AIFM1: variants seen among roughly 807,000 people sequenced by gnomAD.
AIFM1 encodes the protein apoptosis-inducing factor 1, mitochondrial.
In AIFM1, 3 loss-of-function variants were observed where a neutral mutation model predicts 51.7. The observed-to-expected ratio is 0.06, with a 90% confidence interval of 0.03 to 0.15. The LOEUF is 0.15. Ranked by LOEUF, AIFM1 falls within the 10% of genes least tolerant of loss-of-function variation. AIFM1 has a pLI of 1.00. For missense variants in AIFM1, 330 were observed against 476.8 expected (o/e 0.69, Z 2.87); for synonymous variants, 178 against 179.4 (o/e 0.99, Z 0.06).
intron 5 of AIFM1, among the ~76,000 whole-genome samples, chrX:130,146,870 A>C (rs1311032170): frequency 8.9e-6 from 1 of 112,282 alleles, no homozygotes; most frequent in African/African-American, 3.2e-5. Flanking sequence ...GGCAAGTATA[A>C]AGAAGTGATG....
chrX:130,155,089 A>G, intron 2 of AIFM1: 1 of 1,152,842 alleles, frequency 8.7e-7, no homozygotes, highest in South Asian at 1.8e-5. Flanking sequence ...CTAATGTATC[A>G]AGTTTTCATT....
At chrX:130,142,359 C>T (rs1367743680) in intron 6 of AIFM1, among the ~76,000 whole-genome samples, 1 of 111,125 alleles carries the variant, frequency 9.0e-6, no homozygotes, top group Non-Finnish European at 1.9e-5. Flanking sequence ...AATCCAATCC[C>T]GCTACTCAAC....
intron 12 of AIFM1, 34 bp from the exon 13 acceptor site, chrX:130,133,489 T>TA (rs377335587): frequency 0.033 from 27,816 of 833,448 alleles, 2 homozygotes; most frequent in Admixed American, 0.046. Context: ...GAACACATGA[T>TA]AAAAAAAAAA....
rs991859271 is a variant in AIFM1, at chrX:130,145,341, A to G, written c.696+138T>C. 184 of 523,830 alleles carry G rather than the reference A, an allele frequency of 3.5e-4. 1 individual carries two copies. The East Asian group carries it at 6.8e-3, about 19-fold the overall frequency. The allele number at this position is 523,830 out of a possible 1,213,427, so 43.2% of individuals were successfully genotyped here. ...CCAGAAAGACACACTCAGCATTATT[A>G]AACCTAAAGCAGCTCGATCCTTCTT... On this transcript the variant is annotated intron_variant, in intron 6 of 15. Coordinates refer to ENST00000287295, the MANE Select transcript of AIFM1 (RefSeq NM_004208.4).
chrX:130,136,877 T>C lies in AIFM1; in HGVS notation c.1076-146A>G, dbSNP rs1317275939. The C allele has an allele frequency of 5.0e-6, 5 of 1,004,720 alleles. No homozygotes were observed. In the South Asian group the frequency reaches 1.0e-4, roughly 20 times the overall value. 82.8% of individuals were successfully genotyped at this position (1,004,720 alleles called of 1,213,427 possible). A position where few individuals can be genotyped will look rare whatever the true frequency, so the allele number is the denominator to read the frequency against. ...GGAGAGCTGCAAGAACCTACACCCATGGTTCATTTTCAGCACTTCCAGGAA... is the reference window on the plus strand; with the variant it reads ...GGAGAGCTGCAAGAACCTACACCCACGGTTCATTTTCAGCACTTCCAGGAA... On this transcript the variant is annotated intron_variant, in intron 10 of 15. Coordinates refer to ENST00000287295, the MANE Select transcript of AIFM1 (RefSeq NM_004208.4).
At chrX:130,159,044 T>C (rs1201452484) in intron 1 of AIFM1, among the ~76,000 whole-genome samples, 1 of 111,938 alleles carries the variant, frequency 8.9e-6, no homozygotes, top group Non-Finnish European at 1.9e-5. Flanking sequence ...CTTAAGTATA[T>C]GGGGCATATA....
intron 13 of AIFM1, 23 bp from the exon 14 acceptor site, chrX:130,131,822 T>C (rs2030095014): frequency 1.7e-6 from 2 of 1,209,798 alleles, no homozygotes; most frequent in East Asian, 5.9e-5. Flanking sequence ...AAGAGGGTGT[T>C]CTGTCAAGGG....
intron 12 of AIFM1, 120 bp from the exon 13 acceptor site, chrX:130,133,575 A>G (rs2030195823): frequency 3.2e-6 from 3 of 927,023 alleles, no homozygotes; most frequent in Admixed American, 2.5e-5. Flanking sequence ...CATGTTTTCC[A>G]TCTACAGGCC....
At chrX:130,153,377 C>T (rs1168111237) in intron 2 of AIFM1, among the ~76,000 whole-genome samples, 1 of 98,945 alleles carries the variant, frequency 1.0e-5, no homozygotes, top group Non-Finnish European at 2.0e-5. Context: ...AAAAAAAAGT[C>T]GGCAGTTTAC....
At chrX:130,161,287 C>T (rs1407362882) in intron 1 of AIFM1, among the ~76,000 whole-genome samples, 2 of 109,696 alleles carry the variant, frequency 1.8e-5, no homozygotes, top group African/African-American at 6.6e-5. Context: ...CCGAGGTGGG[C>T]GGATCACGAG....
chrX:130,136,301 C>T (rs1569417216), intron 11 of AIFM1, 116 bp from the exon 12 acceptor site: 1 of 877,748 alleles, frequency 1.1e-6, no homozygotes, highest in East Asian at 3.3e-5. Context: ...CATGGGTTAA[C>T]TTACCTCTGA....
At chrX:130,142,758 G>A (rs1033410448) in intron 6 of AIFM1, among the ~76,000 whole-genome samples, 35 of 111,242 alleles carry the variant, frequency 3.1e-4, no homozygotes, top group African/African-American at 1.1e-3. Context: ...CGATTCTCGT[G>A]CTTCAGCCTC....
At chrX:130,146,399 C>A (rs919643000) in intron 5 of AIFM1, among the ~76,000 whole-genome samples, 2 of 109,404 alleles carry the variant, frequency 1.8e-5, no homozygotes, top group African/African-American at 6.7e-5. Flanking sequence ...AGCTATGATT[C>A]GGCCACTGCA....
At chrX:130,156,345 A>T (rs1428822603) in intron 2 of AIFM1, 116 bp downstream of exon 2, 3 of 1,038,103 alleles carry the variant, frequency 2.9e-6, no homozygotes, top group East Asian at 6.1e-5. Context: ...CTTTTTGAAA[A>T]TTTTTCCAAA....
At chrX:130,130,805 G>C (rs189293016) in intron 14 of AIFM1, among the ~76,000 whole-genome samples, 2 of 111,970 alleles carry the variant, frequency 1.8e-5, no homozygotes, top group Non-Finnish European at 3.8e-5. Context: ...AGAGAAAGAG[G>C]GGAAGGGAAG....
At chrX:130,137,410 T>C (rs868579519) in intron 9 of AIFM1, 1 of 1,157,089 alleles carries the variant, frequency 8.6e-7, no homozygotes, top group African/African-American at 1.8e-5. Context: ...CAGATTAAGC[T>C]TCAGATGGTG....
chrX:130,142,500 A>G, intron 6 of AIFM1, among the ~76,000 whole-genome samples: 1 of 111,689 alleles, frequency 9.0e-6, no homozygotes, highest in East Asian at 2.8e-4. Flanking sequence ...CGTCCAGCCT[A>G]TTAACATGCT....
At position 130,149,568 on chromosome X, in the gene AIFM1, C is replaced by T. The variant is rs753372181; in HGVS notation, c.250G>A (p.Ala84Thr). 2 of 1,179,167 alleles carry T rather than the reference C, an allele frequency of 1.7e-6. No homozygotes were observed. Among genetic ancestry groups the T allele is most frequent in the East Asian group, 5.9e-5 (2 of 33,774 alleles). Residue 84 changes from alanine to threonine, a missense_variant and splice_region_variant, in exon 3 of 16, where the codon GCC (alanine) becomes ACC (threonine). This residue lies in a region of AIFM1 where 110 missense variants were observed against 103.1 expected (regional missense o/e 1.07). Transcript: ENST00000287295. ...GLSTVGAGAY[A>T]YKTMKEDEKR... ...TCATCCTCTTTCATAGTCTTGTAGG[C>T]CTGCGGATCCAAACATGGAGAAAGT...
chrX:130,138,658 T>C lies in AIFM1; in HGVS notation c.902A>G (p.Lys301Arg). The C allele has an allele frequency of 1.7e-6, 2 of 1,210,601 alleles. No homozygotes were observed. The highest frequency in any genetic ancestry group is 1.1e-6 in the Non-Finnish European group (1 of 894,692). ...RSLEKISREV[K>R]SITIIGGGFL... Reference sequence around the variant, plus strand: ...GCCCCCACCGATAATCGTAATTGATTTGACTTCCCGTGAAATCTTCTCCAA... The same window carrying C: ...GCCCCCACCGATAATCGTAATTGATCTGACTTCCCGTGAAATCTTCTCCAA... Residue 301 changes from lysine (K) to arginine (R), a missense_variant, in exon 9 of 16, where the codon AAA becomes AGA. Physicochemically the swap from Lys to Arg is conservative, Grantham distance 26 (BLOSUM62 2). Around this residue, in one of 4 missense-constraint regions of AIFM1, gnomAD observed 152 missense variants for 292.8 expected, o/e 0.52. Coordinates refer to ENST00000287295, the MANE Select transcript of AIFM1 (RefSeq NM_004208.4).
Sources: gnomAD v4.1 joint callset for allele counts (sites outside exome capture counted in the v4.1 genomes callset) on GRCh38, gnomAD v4.1.1 for gene constraint, gnomAD v4.1.1 regional missense constraint, MANE v1.5 for transcripts, NCBI Gene and HGNC (gene_info 2026-07-23, HGNC 2026-07-21) for gene names.